Variants in MCTP1 observed in about 807,000 individuals in gnomAD.
MCTP1 encodes multiple C2 and transmembrane domain containing 1, also known as multiple C2 and transmembrane domain-containing protein 1.
Under a neutral mutation model 120.6 loss-of-function variants are expected in MCTP1, and 69 were observed. That is an observed-to-expected ratio of 0.57 (90% CI 0.47 to 0.70). The LOEUF (loss-of-function observed/expected upper bound fraction) is 0.70. Among genes scored for constraint, MCTP1 ranks in the 30% least tolerant of loss-of-function variants. The pLI is 0.00. For missense variants in MCTP1, 1,203 were observed against 1,248.8 expected (o/e 0.96, Z 0.55); for synonymous variants, 529 against 493.1 (o/e 1.07, Z -0.96).
At chr5:95,080,209 T>C (rs1754571890) in intron 1 of MCTP1, among the ~76,000 whole-genome samples, 1 of 152,178 alleles carries the variant, frequency 6.6e-6, no homozygotes, top group Non-Finnish European at 1.5e-5. Flanking sequence ...TATGGCTCAC[T>C]TCCCAGAGTA....
At chr5:94,975,938 A>C (rs1827993944) in intron 2 of MCTP1, among the ~76,000 whole-genome samples, 1 of 152,024 alleles carries the variant, frequency 6.6e-6, no homozygotes, top group South Asian at 2.1e-4. Flanking sequence ...GTCTAGCACA[A>C]CTCCTGGGTC....
intron 17 of MCTP1, among the ~76,000 whole-genome samples, chr5:94,863,280 T>C (rs4869222): frequency 0.038 from 5,835 of 151,894 alleles, 147 homozygotes; most frequent in Non-Finnish European, 0.055. Flanking sequence ...TGCTGTTGTG[T>C]AGAAAGTAAC....
At chr5:95,264,690 C>G (rs894123012) in intron 1 of MCTP1, among the ~76,000 whole-genome samples, 2 of 152,180 alleles carry the variant, frequency 1.3e-5, no homozygotes, top group Admixed American at 6.5e-5. Flanking sequence ...GTCCAAAGCA[C>G]CCCCTGGCCA....
chr5:94,808,046 T>G (rs933733359), intron 17 of MCTP1, among the ~76,000 whole-genome samples: 1 of 152,182 alleles, frequency 6.6e-6, no homozygotes, highest in Non-Finnish European at 1.5e-5. Flanking sequence ...TAACATTTCT[T>G]TAAAACATGC....
At position 95,121,588 on chromosome 5, in the gene MCTP1, C is replaced by T. The variant is rs571829999; in HGVS notation, c.721-104104G>A. 7.7e-4 allele frequency among the ~76,000 whole-genome samples: 116 copies of T among 151,628 alleles called. 4 individuals carry two copies. The South Asian group carries it at 0.022, about 29-fold the overall frequency. ...TCCATACCAACCAAAGCAATCTATA[C>T]ATTTAATGTAATCCTTATCAAAATA... On this transcript the variant is annotated intron_variant, in intron 1 of 22. Transcript: ENST00000515393.
chr5:94,901,958 T>C (rs1485914561), intron 10 of MCTP1, among the ~76,000 whole-genome samples: 1 of 152,156 alleles, frequency 6.6e-6, no homozygotes, highest in Admixed American at 6.5e-5. Flanking sequence ...AGGTGGCTCA[T>C]ACATCACATA....
chr5:95,158,837 G>T (rs890510506), intron 1 of MCTP1, among the ~76,000 whole-genome samples: 6 of 151,920 alleles, frequency 3.9e-5, no homozygotes, highest in Admixed American at 1.3e-4. Flanking sequence ...TACTCAGGAG[G>T]CTTGAGCCGG....
At chr5:95,195,764 A>G (rs1750318705) in intron 1 of MCTP1, among the ~76,000 whole-genome samples, 2 of 152,146 alleles carry the variant, frequency 1.3e-5, no homozygotes, top group Non-Finnish European at 2.9e-5. Flanking sequence ...AGATTTCAAC[A>G]GCAGCAGTAT....
At chr5:94,781,132 ATTTT>A (rs35398709) in intron 18 of MCTP1, among the ~76,000 whole-genome samples, 1 of 147,304 alleles carries the variant, frequency 6.8e-6, no homozygotes, top group African/African-American at 2.5e-5. Context: ...TAAATGAAGT[ATTTT>A]TTTTTTTTTT....
chr5:94,782,645 C>T (rs1387860404), intron 18 of MCTP1, among the ~76,000 whole-genome samples: 1 of 152,130 alleles, frequency 6.6e-6, no homozygotes, highest in Non-Finnish European at 1.5e-5. Flanking sequence ...GAGTTTAACA[C>T]TTAACTAAGG....
At chr5:95,225,287 C>G (rs1293299893) in intron 1 of MCTP1, among the ~76,000 whole-genome samples, 2 of 152,162 alleles carry the variant, frequency 1.3e-5, no homozygotes, top group Non-Finnish European at 2.9e-5. Flanking sequence ...GTTAAAAAAT[C>G]ATTTATTCAT....
intron 3 of MCTP1, among the ~76,000 whole-genome samples, chr5:94,944,965 G>T (rs1023877594): frequency 2.0e-5 from 3 of 152,106 alleles, no homozygotes; most frequent in Admixed American, 6.6e-5. Flanking sequence ...GCACAACCTG[G>T]TTAACAAGGT....
At chr5:94,832,633 C>T (rs1788783220) in intron 17 of MCTP1, among the ~76,000 whole-genome samples, 1 of 149,702 alleles carries the variant, frequency 6.7e-6, no homozygotes, top group Non-Finnish European at 1.5e-5. Flanking sequence ...CACACACACA[C>T]ACACACACAC....
At chr5:94,984,558 A>G (rs546991957) in intron 2 of MCTP1, among the ~76,000 whole-genome samples, 1 of 152,190 alleles carries the variant, frequency 6.6e-6, no homozygotes, top group Non-Finnish European at 1.5e-5. Context: ...TATAATAATA[A>G]CATAAAAAGG....
In MCTP1 at chr5:95,266,476, A is replaced by G. The variant is rs140750993; in HGVS notation, c.720+17380T>C. Among the ~76,000 whole-genome samples the G allele has an allele frequency of 3.8e-3, 578 of 152,330 alleles. 5 individuals carry two copies. Among genetic ancestry groups the G allele is most frequent in the African/African-American group, 0.012 (503 of 41,584 alleles). ...TTTATGATACCCAAATAGAACGAGA[A>G]TTACTGTTTAAATCTGTTTACTGTT... On this transcript the variant is annotated intron_variant, in intron 1 of 22. Coordinates refer to ENST00000515393, the MANE Select transcript of MCTP1 (RefSeq NM_024717.7).
chr5:94,931,639 C>T, intron 6 of MCTP1: 1 of 273,870 alleles, frequency 3.7e-6, no homozygotes, highest in Non-Finnish European at 6.8e-6. Flanking sequence ...TGGAGTTGTC[C>T]CTCCCCTAGC....
chr5:94,981,486 G>C (rs1829406549), intron 2 of MCTP1, among the ~76,000 whole-genome samples: 1 of 152,130 alleles, frequency 6.6e-6, no homozygotes, highest in Non-Finnish European at 1.5e-5. Flanking sequence ...ATGTCAACAT[G>C]TGTTAGGTGC....
At chr5:95,046,868 C>A (rs1340510017) in intron 1 of MCTP1, among the ~76,000 whole-genome samples, 2 of 152,128 alleles carry the variant, frequency 1.3e-5, no homozygotes, top group East Asian at 1.9e-4. Flanking sequence ...TTTGCTGATA[C>A]CCTGATGAGG....
At chr5:94,968,944 A>G (rs546800627) in intron 2 of MCTP1, among the ~76,000 whole-genome samples, 1 of 152,344 alleles carries the variant, frequency 6.6e-6, no homozygotes, top group South Asian at 2.1e-4. Flanking sequence ...TTTTGTTATT[A>G]ATGTCATATT....
Sources: gnomAD v4.1 joint callset for allele counts (sites outside exome capture counted in the v4.1 genomes callset) on GRCh38, gnomAD v4.1.1 for gene constraint, MANE v1.5 for transcripts, NCBI Gene and HGNC (gene_info 2026-07-23, HGNC 2026-07-21) for gene names.